The following ANKRD26 variants were observed in gnomAD, a reference collection of about 807,000 sequenced individuals.
ANKRD26 encodes ankyrin repeat domain 26, also known as ankyrin repeat domain-containing protein 26.
Under a neutral mutation model 208.7 loss-of-function variants are expected in ANKRD26, and 141 were observed. The ratio of observed to expected loss-of-function variants is 0.68; its 90% CI spans 0.59 to 0.78. ANKRD26 has a LOEUF of 0.78. ANKRD26 is among the 30% of genes least tolerant of loss of function. The probability of loss-of-function intolerance (pLI) is 0.00; values close to 1 mark genes in which losing one functional copy is unlikely to be tolerated. For synonymous variants in ANKRD26, 636 were observed against 660.4 expected, an observed-to-expected ratio of 0.96 and a Z score of 0.57; for missense variants, 1,889 against 1,938.7, an observed-to-expected ratio of 0.97 and a Z score of 0.48.
intron 11 of ANKRD26, among the ~76,000 whole-genome samples, chr10:27,064,953 T>C (rs2055188398): frequency 6.6e-6 from 1 of 152,202 alleles, no homozygotes; most frequent in African/African-American, 2.4e-5. Flanking sequence ...ATAAAAATGA[T>C]GGTGATGATG....
chr10:27,079,665 C>T (rs913274265), intron 6 of ANKRD26, among the ~76,000 whole-genome samples: 2 of 152,064 alleles, frequency 1.3e-5, no homozygotes, highest in South Asian at 4.2e-4. Context: ...ATCAGCCTGG[C>T]CAACATGGCG....
In ANKRD26 at chr10:27,004,841, A is replaced by T. The variant is rs1030641817; in HGVS notation, c.*749T>A. The T allele has an allele frequency of 4.8e-5, 8 of 164,968 alleles. No homozygotes were observed. The highest frequency in any genetic ancestry group is 4.6e-4 in the Admixed American group (7 of 15,298). 10.2% of individuals were successfully genotyped at this position (164,968 alleles called of 1,614,324 possible). ...ATGGGATCCTTTTGCTATAAAGGAC[A>T]TTACAGAGAAGTAACAAACTAGAAT... On this transcript the variant is annotated 3_prime_UTR_variant, in exon 34 of 34. Coordinates refer to ENST00000376087, the MANE Select transcript of ANKRD26 (RefSeq NM_014915.3).
chr10:27,093,770 C>T lies in ANKRD26; in HGVS notation c.272G>A (p.Gly91Asp), dbSNP rs767389123. ...CAGGAGAGTTACTACTTCTGGATGA[C>T]CATTGGCACAGGCCAAATGTAGAGC... ...RTALHLACAN[G>D]HPEVVTLLVD... is the part of the protein sequence containing the mutation. The change falls in exon 2 of 34, where the codon GGT becomes GAT. Residue 91 changes from glycine (G) to aspartate (D), a missense_variant. By Grantham distance (94) the Gly-to-Asp change is moderately conservative. Coordinates refer to ENST00000376087, the MANE Select transcript of ANKRD26 (RefSeq NM_014915.3). 2.5e-6 allele frequency: 4 copies of T among 1,614,094 alleles called. No homozygotes were observed. The South Asian group carries it at 4.4e-5, about 18-fold the overall frequency.
chr10:27,064,405 T>A (rs2135473125), intron 11 of ANKRD26, among the ~76,000 whole-genome samples: 1 of 152,278 alleles, frequency 6.6e-6, no homozygotes, highest in East Asian at 1.9e-4. Flanking sequence ...GACCTAACTC[T>A]ACTTTGTATT....
At chr10:27,030,264 G>C (rs945667105) in intron 25 of ANKRD26, 2 of 519,086 alleles carry the variant, frequency 3.9e-6, no homozygotes, top group South Asian at 1.7e-4. Flanking sequence ...GTACTTCACA[G>C]AACTTTTGCC....
At chr10:26,976,620 G>A (rs1415805226) in intron 5 of ANKRD26, among the ~76,000 whole-genome samples, 1 of 152,144 alleles carries the variant, frequency 6.6e-6, no homozygotes, top group Non-Finnish European at 1.5e-5. Context: ...ATGACTTTCT[G>A]GAAGGGAGGG....
At chr10:27,023,612 G>A (rs1162465515) in intron 28 of ANKRD26, among the ~76,000 whole-genome samples, 2 of 152,106 alleles carry the variant, frequency 1.3e-5, no homozygotes, top group Non-Finnish European at 2.9e-5. Flanking sequence ...CACAAAGGCT[G>A]CTTTCAGAAG....
At chr10:27,065,277 T>C (rs981216281) in intron 11 of ANKRD26, among the ~76,000 whole-genome samples, 2 of 152,336 alleles carry the variant, frequency 1.3e-5, no homozygotes, top group South Asian at 4.1e-4. Flanking sequence ...TTTCAGTTCC[T>C]ACTAGTAGAG....
the ANKRD26 span, among the ~76,000 whole-genome samples, chr10:26,951,210 G>A: frequency 6.6e-6 from 1 of 151,740 alleles, no homozygotes; most frequent in African/African-American, 2.4e-5. Flanking sequence ...AAGAAATGAT[G>A]GGTCACTGAT....
intron 9 of ANKRD26, among the ~76,000 whole-genome samples, chr10:27,070,145 C>G (rs569821117): frequency 1.3e-4 from 19 of 149,076 alleles, no homozygotes; most frequent in Admixed American, 2.0e-4. Context: ...TGGCTCATGC[C>G]TGTAATCCCA....
At chr10:26,998,347 T>A (rs1378004973) in intron 4 of ANKRD26, among the ~76,000 whole-genome samples, 1 of 152,238 alleles carries the variant, frequency 6.6e-6, no homozygotes, top group East Asian at 1.9e-4. Context: ...ACTGAGGGAA[T>A]GACATTTAGC....
chr10:27,045,412 AGACTCT>A (rs1744749942), intron 18 of ANKRD26, among the ~76,000 whole-genome samples: 1 of 151,782 alleles, frequency 6.6e-6, no homozygotes, highest in Admixed American at 6.6e-5. Flanking sequence ...CAACGGAACA[AGACTCT>A]GACTTAAAAA....
Position 27,093,711 on chromosome 10 carries a change from T to C in ANKRD26, c.331A>G (p.Asn111Asp). The change falls in exon 2 of 34, where the codon AAC becomes GAC. Residue 111 changes from asparagine (N) to aspartate (D), a missense_variant. Asn to Asp is a conservative substitution (Grantham distance 23). This residue lies in a region of ANKRD26 where 1,272 missense variants were observed against 1,273.8 expected (regional missense o/e 1.00). Transcript: ENST00000376087. ...DRKCQLNVCD[N>D]ENRTALMKAV... ...TTCATCAGAGCTGTCCTGTTTTCGTTGTCACAGACATTGAGCTGGCATTTT... is the reference window on the plus strand; with the variant it reads ...TTCATCAGAGCTGTCCTGTTTTCGTCGTCACAGACATTGAGCTGGCATTTT... 1 of 1,614,210 alleles carries C rather than the reference T, an allele frequency of 6.2e-7. No individual in the cohort carries two copies. The highest frequency in any genetic ancestry group is 2.2e-5 in the East Asian group (1 of 44,884).
At chr10:27,072,896 C>T (rs952529703) in intron 9 of ANKRD26, among the ~76,000 whole-genome samples, 18 of 152,308 alleles carry the variant, frequency 1.2e-4, no homozygotes, top group African/African-American at 3.9e-4. Context: ...TTCCCCTTCC[C>T]ACCCTATCAG....
the ANKRD26 span, among the ~76,000 whole-genome samples, chr10:26,963,578 G>A: frequency 6.6e-6 from 1 of 152,164 alleles, no homozygotes; most frequent in Non-Finnish European, 1.5e-5. Flanking sequence ...GATTAAGTTA[G>A]TGCACTGCCC....
At chr10:26,993,260 T>C (rs1333609531) in intron 5 of ANKRD26, among the ~76,000 whole-genome samples, 1 of 152,162 alleles carries the variant, frequency 6.6e-6, no homozygotes, top group Non-Finnish European at 1.5e-5. Flanking sequence ...ATCAAGGCCA[T>C]AAGTTAAAGC....
rs557981151 is a variant in ANKRD26, at chr10:27,007,200, A to G, written c.4954-238T>C. Among the ~76,000 whole-genome samples the G allele has an allele frequency of 1.1e-4, 16 of 152,338 alleles. No homozygotes were observed. The East Asian group carries it at 2.9e-3, about 28-fold the overall frequency. On this transcript the variant is annotated intron_variant, in intron 32 of 33. Transcript: ENST00000376087. Reference sequence around the variant, plus strand: ...AGTACAATTAATATTGGTCTACTGCATATATATAATGTCAGAAAGGTGATA... The same window carrying G: ...AGTACAATTAATATTGGTCTACTGCGTATATATAATGTCAGAAAGGTGATA...
Position 27,032,128 on chromosome 10 carries a change from T to A in ANKRD26, c.3807+1097A>T, listed in dbSNP as rs145892273. ...CTCAACTTCCATGAGGAATGATGTA[T>A]AATTCTCAACTTTCCTAAGACTAAA... On this transcript the variant is annotated intron_variant, in intron 25 of 33. Coordinates refer to ENST00000376087, the MANE Select transcript of ANKRD26 (RefSeq NM_014915.3). Among the ~76,000 whole-genome samples, 794 of 152,330 alleles carry A rather than the reference T, an allele frequency of 5.2e-3. 6 individuals are homozygous for A. The highest frequency in any genetic ancestry group is 0.017 in the African/African-American group (727 of 41,584).
chr10:27,099,273 G>C (rs4749224), intron 1 of ANKRD26, among the ~76,000 whole-genome samples: 3 of 152,064 alleles, frequency 2.0e-5, no homozygotes, highest in Admixed American at 6.6e-5. Context: ...TTACAGGCGC[G>C]AGCCACCACG....
Sources: allele counts gnomAD v4.1 joint callset (sites outside exome capture counted in the v4.1 genomes callset), GRCh38; gene constraint gnomAD v4.1.1; regional missense constraint gnomAD v4.1.1; transcripts MANE v1.5; gene names NCBI Gene and HGNC (gene_info 2026-07-23, HGNC 2026-07-21).